Variants in GLI2 observed in about 807,000 individuals in gnomAD.
The protein encoded by GLI2 is transcription activator GLI2.
In GLI2, 22 loss-of-function variants were observed where a neutral mutation model predicts 78.9. The observed-to-expected ratio is 0.28, with a 90% CI of 0.20 to 0.40. GLI2 has a LOEUF of 0.40. Ranked by LOEUF, GLI2 falls within the 10% of genes least tolerant of loss-of-function variation. The probability of loss-of-function intolerance (pLI) is 1.00; values close to 1 mark genes in which losing one functional copy is unlikely to be tolerated. For missense variants in GLI2, 2,097 were observed against 2,213.2 expected (o/e 0.95, Z 1.05); for synonymous variants, 974 against 963.7 (o/e 1.01, Z -0.20).
At chr2:120,873,633 G>A (rs1028694050) in intron 2 of GLI2, among the ~76,000 whole-genome samples, 2 of 152,168 alleles carry the variant, frequency 1.3e-5, no homozygotes, top group African/African-American at 4.8e-5. Flanking sequence ...CAGTCTTGGG[G>A]ATCCCCAGGG....
intron 2 of GLI2, among the ~76,000 whole-genome samples, chr2:120,880,932 C>A (rs929956178): frequency 6.6e-6 from 1 of 152,146 alleles, no homozygotes; most frequent in Non-Finnish European, 1.5e-5. Flanking sequence ...CTGCCCCCAC[C>A]AGGGAGCAAA....
At position 120,953,356 on chromosome 2, in the gene GLI2, C is replaced by T. The variant is rs984237093; in HGVS notation, c.458-1889C>T. Among the ~76,000 whole-genome samples the T allele has an allele frequency of 1.4e-4, 21 of 152,298 alleles. 1 individual carries two copies. The highest frequency in any genetic ancestry group is 2.0e-4 in the Admixed American group (3 of 15,304). On this transcript the variant is annotated intron_variant, in intron 4 of 13. Transcript: ENST00000361492. ...GGCAGCCAACAGAAACTGGAAGAGG[C>T]GGGAAACCATCTTCCCCTTGAGCCT...
intron 1 of GLI2, among the ~76,000 whole-genome samples, chr2:120,763,961 G>T (rs889650523): frequency 4.6e-5 from 7 of 152,246 alleles, no homozygotes; most frequent in African/African-American, 1.7e-4. Context: ...AGTGTGTCCG[G>T]GGAGATAATT....
chr2:120,765,894 G>A lies in GLI2; in HGVS notation c.-31+29609G>A, dbSNP rs562241860. Among the ~76,000 whole-genome samples the A allele has an allele frequency of 2.2e-4, 34 of 152,370 alleles. No homozygotes were observed. The South Asian group carries it at 7.0e-3, about 32-fold the overall frequency. On this transcript the variant is annotated intron_variant, in intron 1 of 13. Coordinates refer to ENST00000361492, the MANE Select transcript of GLI2 (RefSeq NM_001374353.1). ...GCAGGAGACTCAGGGAATGAGATAG[G>A]AGATGTTGATGTGAAGAGAGAATGT...
At chr2:120,792,772 G>A (rs895916904) in intron 1 of GLI2, among the ~76,000 whole-genome samples, 3 of 152,096 alleles carry the variant, frequency 2.0e-5, no homozygotes, top group African/African-American at 2.4e-5. Context: ...ACAGGTGCAC[G>A]CCACCATGCC....
At chr2:120,799,385 G>T (rs1284218927) in intron 2 of GLI2, among the ~76,000 whole-genome samples, 1 of 152,218 alleles carries the variant, frequency 6.6e-6, no homozygotes, top group Non-Finnish European at 1.5e-5. Flanking sequence ...AGGGCAGGTG[G>T]CCTGTTAGCT....
At chr2:120,906,381 G>T (rs987025252) in intron 2 of GLI2, among the ~76,000 whole-genome samples, 1 of 152,146 alleles carries the variant, frequency 6.6e-6, no homozygotes, top group Non-Finnish European at 1.5e-5. Context: ...CTCCAGGCAG[G>T]CTGGAAAGGA....
At chr2:120,760,531 C>T (rs1210376627) in intron 1 of GLI2, among the ~76,000 whole-genome samples, 1 of 152,154 alleles carries the variant, frequency 6.6e-6, no homozygotes, top group Non-Finnish European at 1.5e-5. Context: ...TATGTAGAGA[C>T]ATATGTTTAG....
At chr2:120,778,926 C>T (rs994392715) in intron 1 of GLI2, among the ~76,000 whole-genome samples, 10 of 152,156 alleles carry the variant, frequency 6.6e-5, no homozygotes, top group African/African-American at 9.7e-5. Flanking sequence ...CAGGCTTGCC[C>T]GGCAAATGGG....
chr2:120,978,991 G>A (rs1442534445), intron 10 of GLI2, among the ~76,000 whole-genome samples: 1 of 152,172 alleles, frequency 6.6e-6, no homozygotes, highest in African/African-American at 2.4e-5. Context: ...TAAAATGGTT[G>A]AGGGTTTTTT....
chr2:120,832,191 G>A (rs1240658558), intron 2 of GLI2, among the ~76,000 whole-genome samples: 1 of 152,218 alleles, frequency 6.6e-6, no homozygotes, highest in Non-Finnish European at 1.5e-5. Context: ...TGTCTTAAGA[G>A]CTCATCGGTC....
chr2:120,972,061 C>A lies in GLI2; in HGVS notation c.1180C>A (p.Gln394Lys). The change falls in exon 8 of 14, where the codon CAG becomes AAG. Residue 394 changes from glutamine (Q) to lysine (K), a missense_variant and splice_region_variant. By Grantham distance (53) the Gln-to-Lys change is moderately conservative. Transcript: ENST00000361492. ...GCCGGCCTCCCCTCTGGCGCTGACG[C>A]AGGTAACCTGCTGCCAGCCGCACCA... ...LRPASPLALT[Q>K]EQLADLKEDL... is the part of the protein sequence containing the mutation. 1 of 1,613,106 alleles carries A rather than the reference C, an allele frequency of 6.2e-7. No homozygotes were observed. Among genetic ancestry groups the A allele is most frequent in the East Asian group, 2.2e-5 (1 of 44,876 alleles).
chr2:120,977,637 C>T (rs1179893360), intron 9 of GLI2, among the ~76,000 whole-genome samples: 1 of 152,198 alleles, frequency 6.6e-6, no homozygotes, highest in Non-Finnish European at 1.5e-5. Flanking sequence ...GTCCTGGCCT[C>T]GCCACCAGGC....
At chr2:120,816,553 A>G (rs1685503870) in intron 2 of GLI2, among the ~76,000 whole-genome samples, 1 of 152,172 alleles carries the variant, frequency 6.6e-6, no homozygotes, top group Non-Finnish European at 1.5e-5. Context: ...TTGAAACTTA[A>G]AAAAATGAGA....
chr2:120,788,570 C>T (rs947076314), intron 1 of GLI2, among the ~76,000 whole-genome samples: 2 of 152,242 alleles, frequency 1.3e-5, no homozygotes, highest in African/African-American at 4.8e-5. Flanking sequence ...AGGCTGGCTG[C>T]CCCTGGAGGG....
At chr2:120,894,145 C>T (rs1312525034) in intron 2 of GLI2, among the ~76,000 whole-genome samples, 2 of 152,244 alleles carry the variant, frequency 1.3e-5, no homozygotes, top group Non-Finnish European at 2.9e-5. Flanking sequence ...CTGCTGCTCA[C>T]TCTGACTTTC....
intron 9 of GLI2, among the ~76,000 whole-genome samples, chr2:120,975,324 T>C (rs1350630302): frequency 1.3e-5 from 2 of 151,826 alleles, no homozygotes; most frequent in African/African-American, 4.8e-5. Context: ...ATACAAACAA[T>C]TAAAAGAAAA....
rs1684643592 is a variant in GLI2 at position 120,800,397 on chromosome 2, G to C, written c.148+2929G>C. 6.6e-6 allele frequency among the ~76,000 whole-genome samples: 1 copy of C among 152,016 alleles called. No homozygotes were observed. Among genetic ancestry groups the C allele is most frequent in the African/African-American group, 2.4e-5 (1 of 41,372 alleles). On this transcript the variant is annotated intron_variant, in intron 2 of 13. Transcript: ENST00000361492. This position sits in a 1 kb window ranked among gnomAD's most constrained non-coding sequence, Gnocchi z 4.1. ...TAGAAGCCTGGCTCCTCTGAGGCCT[G>C]GCTTGTTCCTCCAAATCCCGTGACA... is the stretch of plus-strand genomic sequence containing the variant.
chr2:120,886,159 AGTGTGTGTGTGTGTGTGTGTGTGT>A (rs532891541), intron 2 of GLI2, among the ~76,000 whole-genome samples: 3 of 116,832 alleles, frequency 2.6e-5, no homozygotes, highest in South Asian at 6.0e-4. Flanking sequence ...ATTTTTCCAA[AGTGTGTGTGTGTGTGTGTGTGTGT>A]GTGTGTGTGT....
Sources: allele counts gnomAD v4.1 joint callset (sites outside exome capture counted in the v4.1 genomes callset), GRCh38; gene constraint gnomAD v4.1.1; non-coding constraint Gnocchi (gnomAD v3.1); transcripts MANE v1.5; gene names NCBI Gene and HGNC (gene_info 2026-07-23, HGNC 2026-07-21).